The following GRM3 variants were observed in gnomAD, a reference collection of about 807,000 sequenced individuals.
GRM3 encodes metabotropic glutamate receptor 3.
Under a neutral mutation model 70.5 loss-of-function variants are expected in GRM3, and 26 were observed. The observed-to-expected ratio is 0.37, with a 90% CI of 0.27 to 0.51. The LOEUF is 0.51. Among genes scored for constraint, GRM3 ranks in the 20% least tolerant of loss-of-function variants. The pLI, the probability that GRM3 is intolerant of heterozygous loss-of-function variation, is 0.93. For missense variants in GRM3, 859 were observed against 1,123.8 expected, an observed-to-expected ratio of 0.76 and a Z score of 3.37; for synonymous variants, 443 against 434.9, an observed-to-expected ratio of 1.02 and a Z score of -0.23.
intron 2 of GRM3, among the ~76,000 whole-genome samples, chr7:86,771,356 G>A (rs994899497): frequency 2.4e-4 from 37 of 151,896 alleles, no homozygotes; most frequent in Admixed American, 1.2e-3. Context: ...CTTTTATATC[G>A]GGATCACTTT....
intron 1 of GRM3, among the ~76,000 whole-genome samples, chr7:86,735,728 C>T (rs985038561): frequency 1.3e-5 from 2 of 152,138 alleles, no homozygotes; most frequent in Non-Finnish European, 2.9e-5. Context: ...TGTTTTAATA[C>T]ACAACACTGC....
chr7:86,847,555 C>T, intron 4 of GRM3, among the ~76,000 whole-genome samples: 1 of 152,116 alleles, frequency 6.6e-6, no homozygotes, highest in East Asian at 1.9e-4. Flanking sequence ...AGCCATGAAA[C>T]TCAGTGGGAT....
chr7:86,860,872 A>G (rs1356922420), intron 5 of GRM3, among the ~76,000 whole-genome samples: 1 of 152,182 alleles, frequency 6.6e-6, no homozygotes, highest in Non-Finnish European at 1.5e-5. Flanking sequence ...GCATAGCATT[A>G]CATCAAGTTC....
At chr7:86,767,932 T>G (rs1796647432) in intron 2 of GRM3, among the ~76,000 whole-genome samples, 1 of 152,132 alleles carries the variant, frequency 6.6e-6, no homozygotes, top group East Asian at 1.9e-4. Flanking sequence ...CAGAAGCCAC[T>G]TCTTACTCAT....
At chr7:86,710,918 TCA>T (rs1369099241) in intron 1 of GRM3, among the ~76,000 whole-genome samples, 2 of 152,046 alleles carry the variant, frequency 1.3e-5, no homozygotes, top group Non-Finnish European at 2.9e-5. Flanking sequence ...GTGCCTGAAG[TCA>T]CAGTGTTAGA....
chr7:86,744,087 C>A (rs1486596723), intron 1 of GRM3, among the ~76,000 whole-genome samples: 3 of 152,082 alleles, frequency 2.0e-5, no homozygotes, highest in Non-Finnish European at 4.4e-5. Flanking sequence ...CCTCTCTAAT[C>A]TAGCTCCTCT....
intron 3 of GRM3, among the ~76,000 whole-genome samples, chr7:86,800,898 GGC>G (rs2116618012): frequency 6.6e-6 from 1 of 152,112 alleles, no homozygotes; most frequent in African/African-American, 2.4e-5. Flanking sequence ...AATAAAATAT[GGC>G]AAACCGAATC....
chr7:86,753,979 A>G (rs988458753), intron 1 of GRM3, among the ~76,000 whole-genome samples: 8 of 152,140 alleles, frequency 5.3e-5, no homozygotes, highest in Non-Finnish European at 1.5e-5. Flanking sequence ...GTACCAGCCA[A>G]CTACTGCATA....
At chr7:86,749,329 T>C (rs1796178431) in intron 1 of GRM3, among the ~76,000 whole-genome samples, 1 of 152,152 alleles carries the variant, frequency 6.6e-6, no homozygotes, top group Non-Finnish European at 1.5e-5. Context: ...TTGTAGGCTG[T>C]GAGAAGGATG....
chr7:86,647,706 G>T (rs1469333020), intron 1 of GRM3, among the ~76,000 whole-genome samples: 2 of 152,166 alleles, frequency 1.3e-5, no homozygotes, highest in African/African-American at 4.8e-5. Context: ...AGCATAAAAT[G>T]ATAGAAGATT....
intron 3 of GRM3, among the ~76,000 whole-genome samples, chr7:86,836,314 T>C (rs1798456040): frequency 6.6e-6 from 1 of 152,128 alleles, no homozygotes. Context: ...AATAACTAGA[T>C]AATGAGGTTT....
In GRM3 at chr7:86,786,233, A is replaced by C; in HGVS notation, c.469-28A>C. The C allele has an allele frequency of 1.3e-6, 2 of 1,586,778 alleles. No individual in the cohort carries two copies. Among genetic ancestry groups the C allele is most frequent in the South Asian group, 2.3e-5 (2 of 86,500 alleles). On this transcript the variant is annotated intron_variant, in intron 2 of 5. Coordinates refer to ENST00000361669, the MANE Select transcript of GRM3 (RefSeq NM_000840.3). This position sits in a 1 kb window ranked among gnomAD's most constrained non-coding sequence, Gnocchi z 6.0. ...CCAGTCATCTACCTCGGGGTTTCTA[A>C]CAAAGGTCCTTCTTCTCCCTCCCCT...
chr7:86,752,371 C>A (rs1013846920), intron 1 of GRM3, among the ~76,000 whole-genome samples: 1 of 151,998 alleles, frequency 6.6e-6, no homozygotes, highest in African/African-American at 2.4e-5. Context: ...GAGTATAATA[C>A]AAAGAAAGGA....
In GRM3 at chr7:86,786,403, T is replaced by A; in HGVS notation, c.611T>A (p.Ile204Asn). 1 of 1,614,144 alleles carries A rather than the reference T, an allele frequency of 6.2e-7. No individual in the cohort carries two copies. Among genetic ancestry groups the A allele is most frequent in the Non-Finnish European group, 8.5e-7 (1 of 1,180,024 alleles). The change falls in exon 3 of 6, where the codon ATC (isoleucine) becomes AAC (asparagine). Residue 204 changes from isoleucine to asparagine, a missense_variant. Physicochemically the swap from Ile to Asn is moderately radical, Grantham distance 149. Transcript: ENST00000361669. The surrounding 1 kb of genome is among the most constrained non-coding windows in gnomAD (Gnocchi z 6.0). ...DFYQAKAMAE[I>N]LRFFNWTYVS... is the part of the protein sequence containing the mutation. ...TACCAGGCCAAAGCCATGGCTGAGA[T>A]CTTGCGCTTCTTCAACTGGACCTAC...
chr7:86,706,890 ATT>A (rs1209375944), intron 1 of GRM3, among the ~76,000 whole-genome samples: 4 of 152,084 alleles, frequency 2.6e-5, no homozygotes, highest in African/African-American at 4.8e-5. Context: ...CCTTACAGGG[ATT>A]TGTCCATATG....
intron 1 of GRM3, among the ~76,000 whole-genome samples, chr7:86,669,633 T>A (rs1313986810): frequency 6.6e-6 from 1 of 152,216 alleles, no homozygotes; most frequent in Non-Finnish European, 1.5e-5. Context: ...ACGTTGAATG[T>A]GGAAACAATA....
At chr7:86,837,167 G>A (rs753002139) in intron 3 of GRM3, among the ~76,000 whole-genome samples, 18 of 152,170 alleles carry the variant, frequency 1.2e-4, no homozygotes, top group Non-Finnish European at 2.1e-4. Context: ...CTGGTATGAG[G>A]TTTTATTATA....
At chr7:86,855,100 C>A (rs1798821940) in intron 5 of GRM3, among the ~76,000 whole-genome samples, 1 of 152,164 alleles carries the variant, frequency 6.6e-6, no homozygotes. Flanking sequence ...AAGCAAACAT[C>A]CTTTGTATAT....
chr7:86,849,750 G>C (rs1798723747), intron 4 of GRM3, among the ~76,000 whole-genome samples: 1 of 152,104 alleles, frequency 6.6e-6, no homozygotes, highest in Admixed American at 6.6e-5. Context: ...TAGAAGCCTA[G>C]AGAACATGAA....
Sources: allele counts gnomAD v4.1 joint callset (sites outside exome capture counted in the v4.1 genomes callset), GRCh38; gene constraint gnomAD v4.1.1; non-coding constraint Gnocchi (gnomAD v3.1); transcripts MANE v1.5; gene names NCBI Gene and HGNC (gene_info 2026-07-23, HGNC 2026-07-21).